LINGO2: variants seen among roughly 807,000 people sequenced by gnomAD.
The protein encoded by LINGO2 is leucine rich repeat and Ig domain containing 2.
LINGO2 carries 14 observed loss-of-function variants against 30.6 expected under a neutral mutation model. The ratio of observed to expected loss-of-function variants is 0.46; its 90% CI spans 0.30 to 0.72. The LOEUF (loss-of-function observed/expected upper bound fraction) is 0.72, where lower values mean the gene tolerates loss of function less well. Among genes scored for constraint, LINGO2 ranks in the 30% least tolerant of loss-of-function variants. The probability of loss-of-function intolerance (pLI) is 0.07; values close to 1 mark genes in which losing one functional copy is unlikely to be tolerated. For synonymous variants in LINGO2, 317 were observed against 288.5 expected (o/e 1.10, Z -1.00); for missense variants, 729 against 751.7 (o/e 0.97, Z 0.35).
chr9:27,988,304 A>C (rs1468999911), intron 5 of LINGO2, among the ~76,000 whole-genome samples: 1 of 152,082 alleles, frequency 6.6e-6, no homozygotes, highest in Non-Finnish European at 1.5e-5. Context: ...GTGCCACAAT[A>C]AACATATGTG....
intron 4 of LINGO2, among the ~76,000 whole-genome samples, chr9:28,076,238 T>A (rs1291661667): frequency 6.6e-6 from 1 of 152,162 alleles, no homozygotes; most frequent in Non-Finnish European, 1.5e-5. Context: ...ACTGAAAATA[T>A]GTTTGGTTGA....
At chr9:28,067,043 A>G (rs1237253248) in intron 4 of LINGO2, among the ~76,000 whole-genome samples, 2 of 152,128 alleles carry the variant, frequency 1.3e-5, no homozygotes, top group Non-Finnish European at 2.9e-5. Flanking sequence ...TATTTGCTTA[A>G]TAAGTAATAT....
chr9:28,410,018 G>A (rs1822695439), intron 2 of LINGO2, among the ~76,000 whole-genome samples: 2 of 150,036 alleles, frequency 1.3e-5, no homozygotes, highest in East Asian at 3.9e-4. Context: ...AAGGGAGGGA[G>A]GGAGAGAGAC....
chr9:28,096,778 C>T (rs1826254905), intron 4 of LINGO2, among the ~76,000 whole-genome samples: 1 of 151,912 alleles, frequency 6.6e-6, no homozygotes, highest in Non-Finnish European at 1.5e-5. Flanking sequence ...ATCTAAACAA[C>T]ATGGAAAACA....
At chr9:28,062,679 T>C (rs572981530) in intron 4 of LINGO2, among the ~76,000 whole-genome samples, 2 of 145,808 alleles carry the variant, frequency 1.4e-5, no homozygotes, top group South Asian at 4.4e-4. Context: ...AAATCAAATA[T>C]ATATATTTTG....
chr9:28,546,745 A>C (rs543477634), intron 1 of LINGO2, among the ~76,000 whole-genome samples: 165 of 152,178 alleles, frequency 1.1e-3, no homozygotes, highest in African/African-American at 3.9e-3. Context: ...TGTCAGAAAG[A>C]GACTCTGTTT....
intron 2 of LINGO2, among the ~76,000 whole-genome samples, chr9:28,401,930 T>C (rs1010872916): frequency 6.6e-6 from 1 of 152,216 alleles, no homozygotes; most frequent in Non-Finnish European, 1.5e-5. Context: ...CCTATAAATA[T>C]CTTCTTTTGT....
rs556750977 is a variant in LINGO2, at chr9:28,012,119, A to G, written c.-36+236T>C. 4.6e-5 allele frequency among the ~76,000 whole-genome samples: 7 copies of G among 152,272 alleles called. No individual in the cohort carries two copies. In the East Asian group the frequency reaches 1.4e-3, roughly 29 times the overall value. On this transcript the variant is annotated intron_variant, in intron 5 of 5. Transcript: ENST00000379992. The stretch of plus-strand genomic sequence containing the variant: ...TTGGTTTAGGACTTCATAAAAGGAA[A>G]CAAGTCTCCTCTTACCACTGAGCAA...
the LINGO2 span, chr9:27,941,891 A>G: frequency 6.6e-6 from 1 of 151,994 alleles, no homozygotes; most frequent in Non-Finnish European, 1.5e-5. Flanking sequence ...AATGTTTTGA[A>G]TCATTTGGCT....
intron 1 of LINGO2, among the ~76,000 whole-genome samples, chr9:28,512,636 T>TACAC (rs1386783256): frequency 2.3e-3 from 14 of 6,176 alleles, no homozygotes; most frequent in African/African-American, 4.9e-3. Context: ...TATATATATA[T>TACAC]ACACACATAC....
the LINGO2 span, among the ~76,000 whole-genome samples, chr9:28,970,917 C>A: frequency 6.6e-6 from 1 of 152,166 alleles, no homozygotes; most frequent in African/African-American, 2.4e-5. Flanking sequence ...TAAGGAAGTA[C>A]TGGCATCACT....
chr9:28,111,626 TC>T (rs1398273938), intron 4 of LINGO2, among the ~76,000 whole-genome samples: 1 of 152,000 alleles, frequency 6.6e-6, no homozygotes, highest in African/African-American at 2.4e-5. Context: ...AAAAATGTGC[TC>T]CCCCTTTCTG....
At chr9:28,482,641 T>C (rs1226824660) in intron 1 of LINGO2, among the ~76,000 whole-genome samples, 2 of 152,154 alleles carry the variant, frequency 1.3e-5, no homozygotes, top group Non-Finnish European at 2.9e-5. Flanking sequence ...AGATCCCATT[T>C]ATCAATTTTG....
chr9:28,178,050 A>T (rs1158323952), intron 4 of LINGO2, among the ~76,000 whole-genome samples: 1 of 152,128 alleles, frequency 6.6e-6, no homozygotes, highest in East Asian at 1.9e-4. Context: ...TGCCCTCTGC[A>T]CAGATGCTAA....
chr9:28,787,603 A>C, the LINGO2 span, among the ~76,000 whole-genome samples: 1 of 152,194 alleles, frequency 6.6e-6, no homozygotes, highest in Non-Finnish European at 1.5e-5. Flanking sequence ...GAAGGGAAAA[A>C]AGTGTCTTTT....
chr9:28,601,503 T>A (rs1392121529), intron 1 of LINGO2, among the ~76,000 whole-genome samples: 4 of 152,130 alleles, frequency 2.6e-5, no homozygotes, highest in African/African-American at 4.8e-5. Context: ...TGAATAGGAC[T>A]TGATGGGTTT....
At chr9:28,243,896 T>TG (rs1325915371) in intron 4 of LINGO2, among the ~76,000 whole-genome samples, 1 of 152,134 alleles carries the variant, frequency 6.6e-6, no homozygotes, top group Non-Finnish European at 1.5e-5. Context: ...AACACCCCAC[T>TG]GGCAATATTA....
the LINGO2 span, among the ~76,000 whole-genome samples, chr9:29,112,820 A>C: frequency 1.3e-5 from 2 of 152,212 alleles, no homozygotes; most frequent in Non-Finnish European, 1.5e-5. Flanking sequence ...AAAGCTGATA[A>C]GAAAACACAC....
At chr9:27,948,831 G>C in exon 6 of LINGO2, 1 of 1,588,052 alleles carries the variant, frequency 6.3e-7, no homozygotes, top group Non-Finnish European at 8.6e-7. Flanking sequence ...CAAAGAGACA[G>C]TAATGTGAGG....
Sources: allele counts gnomAD v4.1 joint callset (sites outside exome capture counted in the v4.1 genomes callset), GRCh38; gene constraint gnomAD v4.1.1; transcripts MANE v1.5; gene names NCBI Gene and HGNC (gene_info 2026-07-23, HGNC 2026-07-21).